The following CPEB3 variants were observed in gnomAD, a reference collection of about 807,000 sequenced individuals.
CPEB3 encodes the protein cytoplasmic polyadenylation element binding protein 3.
In CPEB3, 20 loss-of-function variants were observed where a neutral mutation model predicts 67.2. The observed-to-expected ratio is 0.30, with a 90% CI of 0.21 to 0.43. The LOEUF (loss-of-function observed/expected upper bound fraction) is 0.43. Ranked by LOEUF, CPEB3 falls within the 20% of genes least tolerant of loss-of-function variation. CPEB3 has a pLI of 1.00. For missense variants in CPEB3, 746 were observed against 968.6 expected (o/e 0.77, Z 3.05); for synonymous variants, 376 against 393.1 (o/e 0.96, Z 0.51).
At chr10:92,074,351 C>T (rs968789292) in intron 9 of CPEB3, among the ~76,000 whole-genome samples, 3 of 152,174 alleles carry the variant, frequency 2.0e-5, no homozygotes, top group Non-Finnish European at 4.4e-5. Flanking sequence ...ATTGTGTATA[C>T]TGTAGTTACA....
At chr10:92,157,353 A>C (rs1178000552) in intron 4 of CPEB3, among the ~76,000 whole-genome samples, 1 of 152,208 alleles carries the variant, frequency 6.6e-6, no homozygotes, top group East Asian at 1.9e-4. Context: ...TTTCTACGAC[A>C]TCCGGCTTCT....
intron 7 of CPEB3, among the ~76,000 whole-genome samples, chr10:92,109,049 T>G (rs930879713): frequency 2.0e-5 from 3 of 152,184 alleles, no homozygotes; most frequent in African/African-American, 7.2e-5. Context: ...CTTCTTAACC[T>G]GCATGGACAT....
chr10:92,162,132 G>C (rs1399902306), intron 4 of CPEB3, among the ~76,000 whole-genome samples: 1 of 151,890 alleles, frequency 6.6e-6, no homozygotes, highest in Non-Finnish European at 1.5e-5. Context: ...CAGCCTTAGA[G>C]ATAGAATTCT....
Position 92,279,721 on chromosome 10 carries a change from C to CA in CPEB3, c.-12+11204dup, listed in dbSNP as rs143167531. 5.8e-3 allele frequency among the ~76,000 whole-genome samples: 880 copies of CA among 151,968 alleles called. 9 individuals carry two copies. The highest frequency in any genetic ancestry group is 0.02 in the African/African-American group (847 of 41,456). On this transcript the variant is annotated intron_variant, in intron 1 of 9. Transcript: ENST00000265997. ...GCCAGGAGTGAAAAAAAATAAAAAG[C>CA]AAAAAAACAGGCAAAGGTATCAATA...
At chr10:92,247,086 G>A (rs1337014033) in intron 1 of CPEB3, among the ~76,000 whole-genome samples, 2 of 151,944 alleles carry the variant, frequency 1.3e-5, no homozygotes, top group Admixed American at 6.6e-5. Flanking sequence ...AAAATGACTC[G>A]AACATAAGCA....
intron 2 of CPEB3, among the ~76,000 whole-genome samples, chr10:92,224,150 A>G (rs1850847676): frequency 6.6e-6 from 1 of 151,332 alleles, no homozygotes; most frequent in Non-Finnish European, 1.5e-5. Flanking sequence ...TCCACCCACC[A>G]CAGCCTCCCA....
intron 8 of CPEB3, among the ~76,000 whole-genome samples, chr10:92,089,579 G>A (rs1843528757): frequency 6.6e-6 from 1 of 152,122 alleles, no homozygotes; most frequent in African/African-American, 2.4e-5. Context: ...GAGGTCAGGA[G>A]TTTGAAACCA....
At chr10:92,154,750 C>G (rs1197047400) in intron 4 of CPEB3, among the ~76,000 whole-genome samples, 1 of 152,210 alleles carries the variant, frequency 6.6e-6, no homozygotes, top group Non-Finnish European at 1.5e-5. Flanking sequence ...ACTAGAATGT[C>G]TTGCTTCCCA....
intron 8 of CPEB3, among the ~76,000 whole-genome samples, chr10:92,086,745 C>G (rs1267425701): frequency 5.9e-5 from 9 of 152,244 alleles, no homozygotes; most frequent in African/African-American, 2.2e-4. Flanking sequence ...TGGTTTTATG[C>G]TCTATAAGTA....
At chr10:92,287,707 A>G (rs78161003) in intron 1 of CPEB3, among the ~76,000 whole-genome samples, 1 of 152,270 alleles carries the variant, frequency 6.6e-6, no homozygotes, top group Non-Finnish European at 1.5e-5. Context: ...ACCCCTTTTA[A>G]GTGTACAATG....
At chr10:92,142,925 GA>G (rs1339047822) in intron 6 of CPEB3, 103 bp downstream of exon 6, 10 of 723,474 alleles carry the variant, frequency 1.4e-5, no homozygotes, top group African/African-American at 8.9e-5. Flanking sequence ...CTAATTGGGG[GA>G]AAAAATTCAA....
intron 1 of CPEB3, among the ~76,000 whole-genome samples, chr10:92,272,902 C>T (rs139374088): frequency 2.0e-5 from 3 of 152,192 alleles, no homozygotes; most frequent in East Asian, 3.9e-4. Context: ...ACTGGAGAGG[C>T]CAATTGCCAA....
chr10:92,249,012 G>A lies in CPEB3; in HGVS notation c.-11-8651C>T, dbSNP rs138818743. ...ACTTTGTAGCTGTCAATGTCATAGT[G>A]CAAAAGCATCACTCATGTATTTGTT... On this transcript the variant is annotated intron_variant, in intron 1 of 9. Coordinates refer to ENST00000265997, the MANE Select transcript of CPEB3 (RefSeq NM_014912.5). 1.8e-3 allele frequency among the ~76,000 whole-genome samples: 275 copies of A among 152,272 alleles called. 1 individual carries two copies. The highest frequency in any genetic ancestry group is 6.4e-3 in the African/African-American group (267 of 41,562).
At chr10:92,193,431 G>A (rs1312522158) in intron 2 of CPEB3, among the ~76,000 whole-genome samples, 1 of 151,884 alleles carries the variant, frequency 6.6e-6, no homozygotes, top group Non-Finnish European at 1.5e-5. Flanking sequence ...GAACAGAGAT[G>A]TTCCCCCCAC....
rs751359395 is a variant in CPEB3, at chr10:92,240,162, C to CG, written c.188dup (p.Ala64GlyfsTer258). ...GCATCTTGTCCGGGCCGTTGGGGGC[C>CG]GGGGGGGCAGCGGCTGGGCTGAGGG... On this transcript the variant is annotated frameshift_variant, in exon 2 of 10. Coordinates refer to ENST00000265997, the MANE Select transcript of CPEB3 (RefSeq NM_014912.5). LOFTEE classifies it high-confidence loss of function. The CG allele has an allele frequency of 1.9e-5, 29 of 1,548,580 alleles. No homozygotes were observed. Among genetic ancestry groups the CG allele is most frequent in the Admixed American group, 3.9e-5 (2 of 50,986 alleles).
chr10:92,180,099 C>T (rs1014272079), intron 4 of CPEB3, among the ~76,000 whole-genome samples: 1 of 152,132 alleles, frequency 6.6e-6, no homozygotes, highest in Non-Finnish European at 1.5e-5. Flanking sequence ...AGAGACTGTT[C>T]TTCTGCAAAG....
rs1257343351 is a variant in CPEB3 at position 92,049,717 on chromosome 10, T to C, written c.*2495A>G. On this transcript the variant is annotated 3_prime_UTR_variant, in exon 10 of 10. Transcript: ENST00000265997. ...TTTTGCCTTCACTTTAGCTTTATGC[T>C]GTACAATCTTCCAGCTTTTAAAAAA... 1 of 152,658 alleles carries C rather than the reference T, an allele frequency of 6.6e-6. No individual in the cohort carries two copies. The highest frequency in any genetic ancestry group is 6.5e-5 in the Admixed American group (1 of 15,280). 9.5% of individuals were successfully genotyped at this position (152,658 alleles called of 1,614,324 possible).
chr10:92,181,440 A>G (rs1470393171), intron 3 of CPEB3, among the ~76,000 whole-genome samples: 1 of 151,396 alleles, frequency 6.6e-6, no homozygotes, highest in African/African-American at 2.4e-5. Flanking sequence ...ATAAAAAGAG[A>G]GGTTTCATAG....
intron 1 of CPEB3, among the ~76,000 whole-genome samples, chr10:92,251,787 A>G (rs1852311644): frequency 6.6e-6 from 1 of 151,992 alleles, no homozygotes; most frequent in Non-Finnish European, 1.5e-5. Flanking sequence ...CAACAGAAAG[A>G]AAAAAAGGTC....
Sources: allele counts gnomAD v4.1 joint callset (sites outside exome capture counted in the v4.1 genomes callset), GRCh38; gene constraint gnomAD v4.1.1; transcripts MANE v1.5; gene names NCBI Gene and HGNC (gene_info 2026-07-23, HGNC 2026-07-21).